The following ASIC1 variants were observed in gnomAD, a reference collection of about 807,000 sequenced individuals.
ASIC1 encodes acid-sensing ion channel 1.
In ASIC1, 21 loss-of-function variants were observed where a neutral mutation model predicts 63.4. The observed-to-expected ratio is 0.33, with a 90% confidence interval of 0.23 to 0.48. ASIC1 has a LOEUF of 0.48. Ranked by LOEUF, ASIC1 falls within the 20% of genes least tolerant of loss-of-function variation. The probability of loss-of-function intolerance (pLI) is 0.99; values close to 1 mark genes in which losing one functional copy is unlikely to be tolerated. For synonymous variants in ASIC1, 258 were observed against 278.2 expected, an observed-to-expected ratio of 0.93 and a Z score of 0.72; for missense variants, 478 against 695.5, an observed-to-expected ratio of 0.69 and a Z score of 3.52.
chr12:50,081,691 T>G lies in ASIC1; in HGVS notation c.*42T>G. 1 of 1,592,780 alleles carries G rather than the reference T, an allele frequency of 6.3e-7. No individual in the cohort carries two copies. The highest frequency in any genetic ancestry group is 1.7e-5 in the Admixed American group (1 of 57,760). On this transcript the variant is annotated 3_prime_UTR_variant, in exon 12 of 12. Transcript: ENST00000447966. Reference sequence around the variant, plus strand: ...AACCAAAGGCCTAGATGGGGAGGACTAGGAGAGCGAGGGGGCCCCCAGCTG... The same window carrying G: ...AACCAAAGGCCTAGATGGGGAGGACGAGGAGAGCGAGGGGGCCCCCAGCTG...
chr12:50,058,312 T>G (rs1211025727), intron 1 of ASIC1, among the ~76,000 whole-genome samples: 2 of 152,172 alleles, frequency 1.3e-5, no homozygotes, highest in Non-Finnish European at 2.9e-5. Flanking sequence ...CACAGCCCCG[T>G]CCAGGGAATA....
In ASIC1 at chr12:50,074,314, CCTGGGGTTGGGGCTGGGG is replaced by C; in HGVS notation, c.559-2892_559-2875del. ...CCATGGCTGTCCCTGACTGTCACCT[CCTGGGGTTGGGGCTGGGG>C]CTGGGGCTGGGGCTGATGACTGTGC... On this transcript the variant is annotated intron_variant, in intron 3 of 11. Coordinates refer to ENST00000447966, the MANE Select transcript of ASIC1 (RefSeq NM_001095.4). The surrounding 1 kb of genome is among the most constrained non-coding windows in gnomAD (Gnocchi z 4.2). The C allele has an allele frequency of 3.5e-6, 5 of 1,432,782 alleles. No homozygotes were observed. Among genetic ancestry groups the C allele is most frequent in the Non-Finnish European group, 4.6e-6 (5 of 1,096,850 alleles). 88.8% of individuals were successfully genotyped at this position (1,432,782 alleles called of 1,614,324 possible).
chr12:50,080,546 G>A lies in ASIC1; in HGVS notation c.1254G>A (p.Glu418=), dbSNP rs1485590711. 6.2e-7 allele frequency: 1 copy of A among 1,614,188 alleles called. No homozygotes were observed. Among genetic ancestry groups the A allele is most frequent in the Non-Finnish European group, 8.5e-7 (1 of 1,180,034 alleles). The change falls in exon 9 of 12, where the codon GAG becomes GAA. Residue 418 remains glutamate, a synonymous_variant. Transcript: ENST00000447966. ...TTTTCTTTGAAGTCCTCAACTATGA[G>A]ACCATTGAACAGAAGAAGGCCTATG... ...LDIFFEVLNY[E]TIEQKKAYEI...
Position 50,058,831 on chromosome 12 carries a change from C to G in ASIC1, c.65C>G (p.Ala22Gly). The G allele has an allele frequency of 6.2e-7, 1 of 1,608,106 alleles. No individual in the cohort carries two copies. Residue 22 changes from alanine to glycine, a missense_variant, in exon 2 of 12, where the codon GCC becomes GGC. Physicochemically the swap from Ala to Gly is moderately conservative, Grantham distance 60. This residue lies in a region of ASIC1 where 290 missense variants were observed against 414.9 expected (regional missense o/e 0.70). Coordinates refer to ENST00000447966, the MANE Select transcript of ASIC1 (RefSeq NM_001095.4). ...CAGCCGGTGAGCATCCAGGCCTTCG[C>G]CAGCAGCTCCACACTGCACGGCCTG... ...GVQPVSIQAFASSSTLHGLAH... is the reference protein window; with the variant it reads ...GVQPVSIQAFGSSSTLHGLAH...
intron 3 of ASIC1, among the ~76,000 whole-genome samples, chr12:50,075,065 C>T (rs533644483): frequency 3.3e-5 from 5 of 152,168 alleles, no homozygotes; most frequent in African/African-American, 9.6e-5. Flanking sequence ...CCACCTGGTA[C>T]CCCACTGTCT....
intron 3 of ASIC1, among the ~76,000 whole-genome samples, chr12:50,072,987 A>C (rs1950614813): frequency 6.6e-6 from 1 of 152,164 alleles, no homozygotes; most frequent in Non-Finnish European, 1.5e-5. Context: ...GGGCTCAGGT[A>C]TCCCAGAGGA....
At chr12:50,066,389 C>G (rs545580148) in intron 3 of ASIC1, among the ~76,000 whole-genome samples, 1 of 152,076 alleles carries the variant, frequency 6.6e-6, no homozygotes, top group Admixed American at 6.5e-5. Context: ...GGAGGGTGCT[C>G]TGTTGAGAAG....
chr12:50,069,209 T>TAC (rs58648018), intron 3 of ASIC1, among the ~76,000 whole-genome samples: 11 of 151,728 alleles, frequency 7.2e-5, no homozygotes, highest in African/African-American at 2.2e-4. Context: ...CACAAATATA[T>TAC]ACACACACAC....
chr12:50,071,426 C>T (rs555335908), intron 3 of ASIC1, among the ~76,000 whole-genome samples: 15 of 151,680 alleles, frequency 9.9e-5, no homozygotes, highest in African/African-American at 3.4e-4. Flanking sequence ...GCCAGCACAC[C>T]TGGCTAAATT....
rs1358709932 is a variant in ASIC1 at position 50,059,006 on chromosome 12, G to C, written c.240G>C (p.Val80=). 1 of 1,614,090 alleles carries C rather than the reference G, an allele frequency of 6.2e-7. No homozygotes were observed. Among genetic ancestry groups the C allele is most frequent in the Non-Finnish European group, 8.5e-7 (1 of 1,180,036 alleles). Residue 80 remains valine (V), a synonymous_variant, in exon 2 of 12, where the codon GTG becomes GTC. Transcript: ENST00000447966. This position sits in a 1 kb window ranked among gnomAD's most constrained non-coding sequence, Gnocchi z 4.6. The part of the protein sequence containing the change: ...HYHHVTKLDE[V]AASQLTFPAV... ...ACCATGTCACCAAGCTCGACGAGGT[G>C]GCTGCCTCTCAGCTTACCTTCCCTG... is the stretch of plus-strand genomic sequence containing the variant.
rs1950640046 is a variant in ASIC1 at position 50,074,969 on chromosome 12, C to A, written c.559-2244C>A. On this transcript the variant is annotated intron_variant, in intron 3 of 11. Transcript: ENST00000447966. The surrounding 1 kb of genome is among the most constrained non-coding windows in gnomAD (Gnocchi z 4.2). ...CTCCCCAGCTTTAAGTGGCCAGGGA[C>A]CCTCTTCCTAGGGGAAGCTCTCACT... 6.6e-6 allele frequency among the ~76,000 whole-genome samples: 1 copy of A among 151,828 alleles called. No homozygotes were observed. Among genetic ancestry groups the A allele is most frequent in the East Asian group, 1.9e-4 (1 of 5,152 alleles).
In ASIC1 at chr12:50,071,318, G is replaced by A. The variant is rs1334191190; in HGVS notation, c.559-5895G>A. Among the ~76,000 whole-genome samples, 10 of 148,020 alleles carry A rather than the reference G, an allele frequency of 6.8e-5. No homozygotes were observed. In the East Asian group the frequency reaches 1.8e-3, roughly 26 times the overall value. ...GTCTTGCTCTGTCCCCCAGGCTGGA[G>A]TGCAGTGGCTCAGTCTCGGCTCACT... On this transcript the variant is annotated intron_variant, in intron 3 of 11. Transcript: ENST00000447966.
rs1392787441 is a variant in ASIC1, at chr12:50,081,200, C to G, written c.1377+19C>G. On this transcript the variant is annotated intron_variant, in intron 10 of 11. Coordinates refer to ENST00000447966, the MANE Select transcript of ASIC1 (RefSeq NM_001095.4). Reference sequence around the variant, plus strand: ...CTACGAGGTAAGCGGGGGCGAGGCCCGGCACGGGGCCACGTGGGGGCGGGG... The same window carrying G: ...CTACGAGGTAAGCGGGGGCGAGGCCGGGCACGGGGCCACGTGGGGGCGGGG... The G allele has an allele frequency of 1.2e-6, 2 of 1,608,372 alleles. No homozygotes were observed. The highest frequency in any genetic ancestry group is 1.7e-5 in the Admixed American group (1 of 59,066).
chr12:50,081,489 A>G, intron 11 of ASIC1, 56 bp from the exon 12 acceptor site: 6 of 1,324,384 alleles, frequency 4.5e-6, no homozygotes, highest in Non-Finnish European at 5.0e-6. Flanking sequence ...ATGCCCCAGC[A>G]CTACCTGAAG....
rs1041658067 is a variant in ASIC1 at position 50,069,404 on chromosome 12, A to G, written c.559-7809A>G. ...CACATCCTTGGTTCAAGCAAGTCTC[A>G]TGCCTCAGCCTCCCAAGTAGCTGAG... On this transcript the variant is annotated intron_variant, in intron 3 of 11. Transcript: ENST00000447966. Among the ~76,000 whole-genome samples, 3 of 151,996 alleles carry G rather than the reference A, an allele frequency of 2.0e-5. No individual in the cohort carries two copies. In the East Asian group the frequency reaches 5.8e-4, roughly 29 times the overall value.
intron 3 of ASIC1, among the ~76,000 whole-genome samples, chr12:50,068,013 C>G (rs1464082383): frequency 6.6e-6 from 1 of 152,120 alleles, no homozygotes; most frequent in Non-Finnish European, 1.5e-5. Flanking sequence ...AGGCTGTTTC[C>G]TAGTCAATGC....
At chr12:50,062,413 A>G (rs1216061740) in intron 3 of ASIC1, among the ~76,000 whole-genome samples, 1 of 152,142 alleles carries the variant, frequency 6.6e-6, no homozygotes, top group Non-Finnish European at 1.5e-5. Flanking sequence ...TCTAAGGGAG[A>G]CCATCTTGGC....
Position 50,059,037 on chromosome 12 carries a change from A to G in ASIC1, c.271A>G (p.Thr91Ala). The G allele has an allele frequency of 6.2e-7, 1 of 1,614,126 alleles. No homozygotes were observed. The highest frequency in any genetic ancestry group is 8.5e-7 in the Non-Finnish European group (1 of 1,180,010). ...AASQLTFPAV[T>A]LCNLNEFRFS... The stretch of plus-strand genomic sequence containing the variant: ...CTCTCAGCTTACCTTCCCTGCTGTC[A>G]CGCTGTGCAACCTCAACGAGTTCCG... Residue 91 changes from threonine (T) to alanine (A), a missense_variant, in exon 2 of 12, where the codon ACG becomes GCG. Thr to Ala is a moderately conservative substitution (Grantham distance 58). This residue lies in a region of ASIC1 where 290 missense variants were observed against 414.9 expected (regional missense o/e 0.70). Transcript: ENST00000447966. This position sits in a 1 kb window ranked among gnomAD's most constrained non-coding sequence, Gnocchi z 4.6.
At chr12:50,079,069 C>G in intron 7 of ASIC1, 89 bp downstream of exon 7, 3 of 1,296,954 alleles carry the variant, frequency 2.3e-6, no homozygotes, top group Non-Finnish European at 3.3e-6. Flanking sequence ...CTCCCAGAAG[C>G]CTCACATAAC....
Sources: allele counts gnomAD v4.1 joint callset (sites outside exome capture counted in the v4.1 genomes callset), GRCh38; gene constraint gnomAD v4.1.1; regional missense constraint gnomAD v4.1.1; non-coding constraint Gnocchi (gnomAD v3.1); transcripts MANE v1.5; gene names NCBI Gene and HGNC (gene_info 2026-07-23, HGNC 2026-07-21).